The following TAFA1 variants were observed in gnomAD, a reference collection of about 807,000 sequenced individuals.
TAFA1 encodes TAFA chemokine like family member 1.
Under a neutral mutation model 18.5 loss-of-function variants are expected in TAFA1, and 4 were observed. That is an observed-to-expected ratio of 0.22 (90% confidence interval 0.11 to 0.49). The LOEUF (loss-of-function observed/expected upper bound fraction) is 0.49. Ranked by LOEUF, TAFA1 falls within the 20% of genes least tolerant of loss-of-function variation. TAFA1 has a pLI of 0.98. For synonymous variants in TAFA1, 56 were observed against 55.2 expected, an observed-to-expected ratio of 1.01 and a Z score of -0.06; for missense variants, 147 against 169.0, an observed-to-expected ratio of 0.87 and a Z score of 0.72.
rs543695909 is a variant in TAFA1, at chr3:68,120,173, C to G, written c.118+113429C>G. On this transcript the variant is annotated intron_variant, in intron 2 of 4. Transcript: ENST00000478136. ...TCTTTCTTTCTTTCTCTTTCTTTCT[C>G]TTTCTTTCTTTCTTTCTTTCTTTCT... 3.6e-3 allele frequency among the ~76,000 whole-genome samples: 60 copies of G among 16,450 alleles called. 1 individual carries two copies. Among genetic ancestry groups the G allele is most frequent in the African/African-American group, 8.7e-3 (59 of 6,750 alleles). 10.8% of individuals were successfully genotyped at this position (16,450 alleles called of 152,430 possible).
chr3:68,473,152 G>T (rs1163518430), intron 3 of TAFA1, among the ~76,000 whole-genome samples: 1 of 152,096 alleles, frequency 6.6e-6, no homozygotes, highest in Non-Finnish European at 1.5e-5. Flanking sequence ...AGGAATCTTC[G>T]GTAGCTCAGG....
At chr3:68,182,352 G>C (rs2066214467) in intron 2 of TAFA1, among the ~76,000 whole-genome samples, 3 of 152,162 alleles carry the variant, frequency 2.0e-5, no homozygotes, top group Admixed American at 2.0e-4. Flanking sequence ...GTGTTGTACT[G>C]TGTATTGTGC....
intron 3 of TAFA1, among the ~76,000 whole-genome samples, chr3:68,482,564 G>A (rs2072257684): frequency 1.3e-5 from 2 of 152,172 alleles, no homozygotes; most frequent in South Asian, 4.1e-4. Flanking sequence ...AAAAGATGAG[G>A]TAGCAGGTAT....
At position 68,286,040 on chromosome 3, in the gene TAFA1, G is replaced by A. The variant is rs572751463; in HGVS notation, c.119-131240G>A. Among the ~76,000 whole-genome samples the A allele has an allele frequency of 3.3e-5, 5 of 151,838 alleles. No individual in the cohort carries two copies. The East Asian group carries it at 5.8e-4, about 18-fold the overall frequency. ...ATCCTGGCCAACATGGTGAAATCCC[G>A]TCTCTACTAAAAATACAAAAATTAG... On this transcript the variant is annotated intron_variant, in intron 2 of 4. Transcript: ENST00000478136.
intron 2 of TAFA1, among the ~76,000 whole-genome samples, chr3:68,086,268 C>T (rs1223932142): frequency 6.6e-6 from 1 of 152,188 alleles, no homozygotes; most frequent in African/African-American, 2.4e-5. Flanking sequence ...GGTCATTGAG[C>T]TTATCCAGGA....
intron 1 of TAFA1, 94 bp from the exon 2 acceptor site, chr3:68,006,530 T>C (rs1182852802): frequency 8.8e-6 from 7 of 796,464 alleles, no homozygotes; most frequent in Non-Finnish European, 1.6e-5. Flanking sequence ...CAAAGGAACA[T>C]GACGTCTGAG....
chr3:68,268,770 T>C (rs1040639735), intron 2 of TAFA1, among the ~76,000 whole-genome samples: 1 of 152,118 alleles, frequency 6.6e-6, no homozygotes, highest in Non-Finnish European at 1.5e-5. Context: ...TTAACTCACA[T>C]GCTCCCTGCA....
chr3:68,035,563 C>T (rs570146618), intron 2 of TAFA1, among the ~76,000 whole-genome samples: 3 of 151,984 alleles, frequency 2.0e-5, no homozygotes, highest in Non-Finnish European at 2.9e-5. Flanking sequence ...CAAGTGCTAA[C>T]GAGGATGTGA....
intron 2 of TAFA1, among the ~76,000 whole-genome samples, chr3:68,066,900 G>C (rs967448203): frequency 2.0e-5 from 3 of 152,148 alleles, no homozygotes; most frequent in Non-Finnish European, 2.9e-5. Context: ...CTATTTCTCT[G>C]TCAGGGTGGG....
At chr3:68,113,364 T>G (rs1038024547) in intron 2 of TAFA1, among the ~76,000 whole-genome samples, 1 of 152,126 alleles carries the variant, frequency 6.6e-6, no homozygotes. Context: ...GAAATCCATA[T>G]GGAAAAAGCA....
chr3:68,211,368 T>C (rs980990875), intron 2 of TAFA1, among the ~76,000 whole-genome samples: 3 of 152,086 alleles, frequency 2.0e-5, no homozygotes, highest in African/African-American at 4.8e-5. Flanking sequence ...GTGAAGGATA[T>C]ATTTAAGAGA....
At chr3:68,263,932 A>C (rs1159107025) in intron 2 of TAFA1, among the ~76,000 whole-genome samples, 1 of 152,238 alleles carries the variant, frequency 6.6e-6, no homozygotes. Context: ...ACAAATGAGA[A>C]TGATTTGCCA....
intron 2 of TAFA1, among the ~76,000 whole-genome samples, chr3:68,333,875 T>A (rs193157548): frequency 5.3e-5 from 8 of 152,330 alleles, no homozygotes; most frequent in African/African-American, 1.9e-4. Flanking sequence ...ACCTGGAGGA[T>A]GTTATTATAA....
intron 2 of TAFA1, among the ~76,000 whole-genome samples, chr3:68,252,949 C>T (rs984016668): frequency 3.9e-5 from 6 of 152,144 alleles, no homozygotes; most frequent in African/African-American, 1.2e-4. Flanking sequence ...AGATCCCCTG[C>T]ACAAACTCTC....
intron 3 of TAFA1, among the ~76,000 whole-genome samples, chr3:68,512,689 T>A (rs1828547): frequency 1.6e-4 from 2 of 12,658 alleles, no homozygotes; most frequent in Non-Finnish European, 3.3e-4. Flanking sequence ...TTTTTGTTTG[T>A]TTGTTTGTTT....
chr3:68,302,624 T>C (rs180853351), intron 2 of TAFA1, among the ~76,000 whole-genome samples: 4 of 152,276 alleles, frequency 2.6e-5, no homozygotes, highest in East Asian at 3.9e-4. Flanking sequence ...TTTTCCATTG[T>C]TGTATCCTCA....
chr3:68,376,933 T>G (rs1444110128), intron 2 of TAFA1, among the ~76,000 whole-genome samples: 1 of 152,116 alleles, frequency 6.6e-6, no homozygotes, highest in East Asian at 1.9e-4. Flanking sequence ...CTATAAGTGT[T>G]TGACAATTCC....
At chr3:68,348,079 C>G (rs75115905) in intron 2 of TAFA1, among the ~76,000 whole-genome samples, 1 of 152,090 alleles carries the variant, frequency 6.6e-6, no homozygotes, top group Admixed American at 6.6e-5. Context: ...AAAGCAGACA[C>G]TCCTCAAGGG....
intron 2 of TAFA1, among the ~76,000 whole-genome samples, chr3:68,287,216 G>A (rs972110126): frequency 8.5e-5 from 13 of 152,140 alleles, no homozygotes; most frequent in African/African-American, 3.1e-4. Context: ...CGTGTGTAAT[G>A]GAAAAGCGGA....
Sources: gnomAD v4.1 joint callset for allele counts (sites outside exome capture counted in the v4.1 genomes callset) on GRCh38, gnomAD v4.1.1 for gene constraint, MANE v1.5 for transcripts, NCBI Gene and HGNC (gene_info 2026-07-23, HGNC 2026-07-21) for gene names.